The following TENM2 variants were observed in gnomAD, a reference collection of about 807,000 sequenced individuals.
TENM2 encodes teneurin transmembrane protein 2.
Under a neutral mutation model 245.2 loss-of-function variants are expected in TENM2, and 52 were observed. The observed-to-expected ratio is 0.21, with a 90% CI of 0.17 to 0.27. The LOEUF is 0.27. Ranked by LOEUF, TENM2 falls within the 10% of genes least tolerant of loss-of-function variation. The pLI is 1.00. For synonymous variants in TENM2, 1,363 were observed against 1,438.9 expected (o/e 0.95, Z 1.19); for missense variants, 3,046 against 3,666.8 (o/e 0.83, Z 4.37).
At chr5:167,344,361 A>G (rs1285669041) in intron 1 of TENM2, among the ~76,000 whole-genome samples, 1 of 150,280 alleles carries the variant, frequency 6.7e-6, no homozygotes, top group Non-Finnish European at 1.5e-5. Flanking sequence ...AACTGACTCC[A>G]TAAATCATTT....
At chr5:167,872,657 T>C (rs567158280) in intron 2 of TENM2, among the ~76,000 whole-genome samples, 9 of 151,934 alleles carry the variant, frequency 5.9e-5, no homozygotes, top group African/African-American at 1.2e-4. Flanking sequence ...GTAAGCAGAG[T>C]TGAAGGAGCT....
chr5:167,801,963 G>C (rs1298669471), intron 2 of TENM2, among the ~76,000 whole-genome samples: 1 of 151,684 alleles, frequency 6.6e-6, no homozygotes, highest in Non-Finnish European at 1.5e-5. Flanking sequence ...TTTATTTTCT[G>C]AGACTTCTGG....
intron 2 of TENM2, among the ~76,000 whole-genome samples, chr5:167,734,701 A>C (rs1459100607): frequency 2.6e-5 from 4 of 152,104 alleles, no homozygotes; most frequent in Admixed American, 2.0e-4. Flanking sequence ...GATGATTAGC[A>C]TAATCTATAC....
At chr5:168,254,689 C>T (rs751250713) in intron 27 of TENM2, among the ~76,000 whole-genome samples, 2 of 152,070 alleles carry the variant, frequency 1.3e-5, no homozygotes, top group Non-Finnish European at 2.9e-5. Flanking sequence ...CTCAAGGGAT[C>T]CTGAGCTAGG....
chr5:167,681,850 T>C (rs1007429899), intron 2 of TENM2, among the ~76,000 whole-genome samples: 10 of 152,120 alleles, frequency 6.6e-5, no homozygotes, highest in African/African-American at 2.4e-4. Flanking sequence ...CTGGGTGACT[T>C]CTAGATGTTA....
chr5:167,459,678 T>C (rs1766158369), intron 2 of TENM2, among the ~76,000 whole-genome samples: 1 of 152,202 alleles, frequency 6.6e-6, no homozygotes, highest in Non-Finnish European at 1.5e-5. Context: ...CCAACACCTG[T>C]TATTTTCTTT....
chr5:167,590,141 A>C (rs1344137522), intron 2 of TENM2, among the ~76,000 whole-genome samples: 1 of 151,914 alleles, frequency 6.6e-6, no homozygotes, highest in Non-Finnish European at 1.5e-5. Flanking sequence ...CAATATTTTT[A>C]GGATATAAGA....
chr5:167,626,117 A>C (rs1778484670), intron 2 of TENM2, among the ~76,000 whole-genome samples: 1 of 152,106 alleles, frequency 6.6e-6, no homozygotes, highest in Non-Finnish European at 1.5e-5. Flanking sequence ...CTGCCTTTGG[A>C]AGGAGGAAGT....
chr5:167,430,545 G>A (rs890758741), intron 2 of TENM2, among the ~76,000 whole-genome samples: 1 of 152,130 alleles, frequency 6.6e-6, no homozygotes, highest in Non-Finnish European at 1.5e-5. Context: ...CTGGTTTGCT[G>A]TCTGTTAATT....
the TENM2 span, among the ~76,000 whole-genome samples, chr5:167,147,050 A>C: frequency 9.2e-5 from 14 of 152,210 alleles, no homozygotes; most frequent in African/African-American, 3.1e-4. Context: ...TCTGTAGTAC[A>C]AATATAGAGC....
intron 2 of TENM2, among the ~76,000 whole-genome samples, chr5:167,740,271 A>G (rs939689213): frequency 2.6e-5 from 4 of 152,222 alleles, no homozygotes; most frequent in African/African-American, 9.6e-5. Context: ...GGTTATGGAA[A>G]CACAAATGCA....
At chr5:167,363,812 A>C (rs1335125512) in intron 1 of TENM2, among the ~76,000 whole-genome samples, 1 of 151,922 alleles carries the variant, frequency 6.6e-6, no homozygotes, top group Non-Finnish European at 1.5e-5. Flanking sequence ...CAAGTCCATA[A>C]ATAATTGATT....
chr5:167,530,847 A>G (rs1771446080), intron 2 of TENM2, among the ~76,000 whole-genome samples: 1 of 152,200 alleles, frequency 6.6e-6, no homozygotes, highest in Admixed American at 6.5e-5. Context: ...TGCACGTCGC[A>G]AATGGAAGTA....
At chr5:168,134,840 G>A (rs1754907038) in intron 12 of TENM2, among the ~76,000 whole-genome samples, 1 of 152,124 alleles carries the variant, frequency 6.6e-6, no homozygotes, top group African/African-American at 2.4e-5. Context: ...CTGGCTTCTG[G>A]TTCTTACAGA....
At chr5:167,061,619 A>G in the TENM2 span, among the ~76,000 whole-genome samples, 1 of 152,206 alleles carries the variant, frequency 6.6e-6, no homozygotes, top group African/African-American at 2.4e-5. Context: ...CATCCACAGC[A>G]GTGACAAATG....
At chr5:167,575,467 C>T (rs564782826) in intron 2 of TENM2, among the ~76,000 whole-genome samples, 2 of 152,186 alleles carry the variant, frequency 1.3e-5, no homozygotes, top group East Asian at 1.9e-4. Context: ...GTTTCCAAAC[C>T]GGACTTGCTC....
chr5:167,325,933 A>G (rs13356610), intron 1 of TENM2, among the ~76,000 whole-genome samples: 1,783 of 152,290 alleles, frequency 0.012, 44 homozygotes, highest in African/African-American at 0.041. Flanking sequence ...AAATGGAGCA[A>G]TGGCATAGAG....
chr5:167,773,065 A>G (rs1054999945), intron 2 of TENM2, among the ~76,000 whole-genome samples: 1 of 152,216 alleles, frequency 6.6e-6, no homozygotes, highest in African/African-American at 2.4e-5. Flanking sequence ...GCAAGAGCCA[A>G]TCTGAGCCAT....
At position 167,393,346 on chromosome 5, in the gene TENM2, C is replaced by T. The variant is rs186662068; in HGVS notation, c.502+17873C>T. On this transcript the variant is annotated intron_variant, in intron 2 of 28. Coordinates refer to ENST00000518659, the Ensembl canonical transcript of TENM2. Reference sequence around the variant, plus strand: ...ATTGTGAGAGTTTTGCAGTAGTAAACGGGAGTCGGAGGGCCAAGGAAAACT... The same window carrying T: ...ATTGTGAGAGTTTTGCAGTAGTAAATGGGAGTCGGAGGGCCAAGGAAAACT... Among the ~76,000 whole-genome samples, 33 of 151,880 alleles carry T rather than the reference C, an allele frequency of 2.2e-4. 1 individual carries two copies. Among genetic ancestry groups the T allele is most frequent in the Admixed American group, 3.9e-4 (6 of 15,240 alleles).
Sources: gnomAD v4.1 joint callset for allele counts (sites outside exome capture counted in the v4.1 genomes callset) on GRCh38, gnomAD v4.1.1 for gene constraint, MANE v1.5 for transcripts, NCBI Gene and HGNC (gene_info 2026-07-23, HGNC 2026-07-21) for gene names.